SH3D19: variants seen among roughly 807,000 people sequenced by gnomAD.
SH3D19 encodes SH3 domain containing 19, also known as SH3 domain-containing protein 19.
Under a neutral mutation model 112.1 loss-of-function variants are expected in SH3D19, and 58 were observed. That is an observed-to-expected ratio of 0.52 (90% CI 0.42 to 0.64). The LOEUF (loss-of-function observed/expected upper bound fraction) is 0.64. Ranked by LOEUF, SH3D19 falls within the 30% of genes least tolerant of loss-of-function variation. The pLI is 0.00. For missense variants in SH3D19, 1,090 were observed against 1,263.4 expected (o/e 0.86, Z 2.08); for synonymous variants, 391 against 448.5 (o/e 0.87, Z 1.62).
intron 2 of SH3D19, among the ~76,000 whole-genome samples, chr4:151,219,442 T>A (rs1418321498): frequency 6.6e-6 from 1 of 152,202 alleles, no homozygotes; most frequent in South Asian, 2.1e-4. Flanking sequence ...GTTGTCCCTA[T>A]ACCTATCTTG....
In SH3D19 at chr4:151,269,997, G is replaced by C. The variant is rs377592218; in HGVS notation, c.113-43911C>G. ...CATGTATGGAGCTGTCATCTACTATGATAACAATGCCTTTTGCAGAATACT... is the reference window on the plus strand; with the variant it reads ...CATGTATGGAGCTGTCATCTACTATCATAACAATGCCTTTTGCAGAATACT... On this transcript the variant is annotated intron_variant, in intron 1 of 19. Transcript: ENST00000604030. 7.2e-5 allele frequency among the ~76,000 whole-genome samples: 11 copies of C among 151,996 alleles called. No individual in the cohort carries two copies. The East Asian group carries it at 1.5e-3, about 21-fold the overall frequency.
At chr4:151,324,453 A>G (rs528798610) in intron 1 of SH3D19, among the ~76,000 whole-genome samples, 1 of 152,212 alleles carries the variant, frequency 6.6e-6, no homozygotes, top group African/African-American at 2.4e-5. Flanking sequence ...TTGTTTTCAG[A>G]TAACTCGGAT....
At chr4:151,196,565 G>GT (rs55784080) in intron 2 of SH3D19, among the ~76,000 whole-genome samples, 4,791 of 146,604 alleles carry the variant, frequency 0.033, 87 homozygotes, top group Non-Finnish European at 0.04. Context: ...TATAGTATTA[G>GT]TTTTTTTTTT....
At chr4:151,313,019 G>C (rs779120560) in intron 1 of SH3D19, among the ~76,000 whole-genome samples, 1 of 151,544 alleles carries the variant, frequency 6.6e-6, no homozygotes, top group East Asian at 1.9e-4. Flanking sequence ...ACCCTGGGAG[G>C]GGGAGGTTGC....
chr4:151,198,741 T>A (rs1445562146), intron 2 of SH3D19, among the ~76,000 whole-genome samples: 1 of 152,006 alleles, frequency 6.6e-6, no homozygotes, highest in Non-Finnish European at 1.5e-5. Flanking sequence ...AATTATTTAA[T>A]TACCAATTAA....
chr4:151,131,096 C>T (rs1400500633), intron 17 of SH3D19, among the ~76,000 whole-genome samples: 1 of 151,914 alleles, frequency 6.6e-6, no homozygotes, highest in African/African-American at 2.4e-5. Flanking sequence ...CCTATGTTTC[C>T]TCTCATGACA....
intron 1 of SH3D19, among the ~76,000 whole-genome samples, chr4:151,234,735 GTTTTTTTTTTTT>G (rs541665981): frequency 4.0e-5 from 1 of 25,078 alleles, no homozygotes; most frequent in East Asian, 1.2e-3. Flanking sequence ...CCAAGTTTGT[GTTTTTTTTTTTT>G]TTTTTTTTTT....
chr4:151,221,619 TC>T (rs2149936473), intron 2 of SH3D19, among the ~76,000 whole-genome samples: 1 of 152,338 alleles, frequency 6.6e-6, no homozygotes, highest in South Asian at 2.1e-4. Flanking sequence ...TACTGATATT[TC>T]CCTTTCTCTC....
intron 1 of SH3D19, among the ~76,000 whole-genome samples, chr4:151,260,365 C>CG (rs1772278963): frequency 6.6e-6 from 1 of 152,146 alleles, no homozygotes; most frequent in African/African-American, 2.4e-5. Flanking sequence ...GGTAATTTTA[C>CG]CACCATCACT....
intron 14 of SH3D19, among the ~76,000 whole-genome samples, chr4:151,137,488 T>G (rs1752109120): frequency 6.6e-6 from 1 of 152,232 alleles, no homozygotes; most frequent in African/African-American, 2.4e-5. Context: ...ATTCACCAGT[T>G]GACCTGTGGT....
chr4:151,214,917 G>A (rs1286454354), intron 2 of SH3D19, among the ~76,000 whole-genome samples: 1 of 147,332 alleles, frequency 6.8e-6, no homozygotes, highest in Non-Finnish European at 1.5e-5. Context: ...TCTCAGATGG[G>A]GCGGTTGCCA....
intron 1 of SH3D19, among the ~76,000 whole-genome samples, chr4:151,298,439 G>A (rs886975411): frequency 2.1e-5 from 3 of 142,288 alleles, no homozygotes; most frequent in African/African-American, 7.4e-5. Context: ...GCCTCCCAAA[G>A]TGCTGGAATT....
chr4:151,227,979 G>T (rs1006299669), intron 1 of SH3D19: 9 of 985,268 alleles, frequency 9.1e-6, no homozygotes, highest in Non-Finnish European at 1.1e-5. Context: ...TGGCAGATGT[G>T]CTATGACCAG....
intron 1 of SH3D19, among the ~76,000 whole-genome samples, chr4:151,237,795 G>A (rs1471535099): frequency 6.6e-6 from 1 of 151,994 alleles, no homozygotes; most frequent in African/African-American, 2.4e-5. Flanking sequence ...TTACCTAAAG[G>A]GTAATTATCC....
At chr4:151,190,228 T>C (rs1324590901) in intron 2 of SH3D19, among the ~76,000 whole-genome samples, 3 of 152,150 alleles carry the variant, frequency 2.0e-5, no homozygotes, top group Non-Finnish European at 4.4e-5. Flanking sequence ...AGGCATTCAA[T>C]TTTATAAGGG....
At chr4:151,284,648 T>C (rs1580405394) in intron 1 of SH3D19, among the ~76,000 whole-genome samples, 4 of 152,348 alleles carry the variant, frequency 2.6e-5, no homozygotes, top group Admixed American at 2.6e-4. Context: ...CCTGTTGTTT[T>C]GTTTACTTTA....
chr4:151,135,541 C>T (rs1161059761), intron 14 of SH3D19, among the ~76,000 whole-genome samples: 3 of 148,232 alleles, frequency 2.0e-5, no homozygotes, highest in African/African-American at 7.5e-5. Flanking sequence ...GATCCTCTTG[C>T]TTTAGCCCCA....
chr4:151,162,565 A>T (rs1217785635), intron 8 of SH3D19, among the ~76,000 whole-genome samples: 1 of 150,202 alleles, frequency 6.7e-6, no homozygotes, highest in Non-Finnish European at 1.5e-5. Flanking sequence ...CTGAAACTTT[A>T]TCCCTAGAAA....
At position 151,177,924 on chromosome 4, in the gene SH3D19, TA is replaced by T. The variant is rs1312960394; in HGVS notation, c.237-970del. On this transcript the variant is annotated intron_variant, in intron 4 of 19. Coordinates refer to ENST00000604030, the MANE Select transcript of SH3D19 (RefSeq NM_001378122.1). ...TAATCTGATTCTACATTCTCATGTT[TA>T]AAGTAATTAATTGATTTTGTAGAGA... 6.6e-5 allele frequency among the ~76,000 whole-genome samples: 10 copies of T among 152,338 alleles called. No individual in the cohort carries two copies. The East Asian group carries it at 1.9e-3, about 29-fold the overall frequency.
Sources: allele counts gnomAD v4.1 joint callset (sites outside exome capture counted in the v4.1 genomes callset), GRCh38; gene constraint gnomAD v4.1.1; transcripts MANE v1.5; gene names NCBI Gene and HGNC (gene_info 2026-07-23, HGNC 2026-07-21).